Variants in ROBO1 observed in about 807,000 individuals in gnomAD.
The protein encoded by ROBO1 is roundabout homolog 1.
A neutral mutation model predicts 195.9 loss-of-function variants in ROBO1; 149 were observed. That is an observed-to-expected ratio of 0.76 (90% confidence interval 0.67 to 0.87). The LOEUF is 0.87. Ranked by LOEUF, ROBO1 falls within the 40% of genes least tolerant of loss-of-function variation. The pLI is 0.00. For missense variants in ROBO1, 1,933 were observed against 2,068.3 expected (o/e 0.93, Z 1.27); for synonymous variants, 816 against 733.2 (o/e 1.11, Z -1.82).
At chr3:79,717,003 TTATAA>T (rs1196270026) in intron 1 of ROBO1, among the ~76,000 whole-genome samples, 2 of 151,968 alleles carry the variant, frequency 1.3e-5, no homozygotes, top group African/African-American at 4.8e-5. Flanking sequence ...TGTATTCTGC[TTATAA>T]TTAATTAATC....
chr3:79,415,889 G>A (rs2037979353), intron 2 of ROBO1, among the ~76,000 whole-genome samples: 1 of 152,100 alleles, frequency 6.6e-6, no homozygotes, highest in Non-Finnish European at 1.5e-5. Flanking sequence ...CGGGTTTCAA[G>A]GTTGCAGCTA....
rs1429206350 is a variant in ROBO1 at position 79,588,231 on chromosome 3, CAAGTT to C, written c.88+1588_88+1592del. On this transcript the variant is annotated intron_variant, in intron 2 of 30. Transcript: ENST00000464233. ...TTGACAGCTTTTGCACCTAAGCGTT[CAAGTT>C]GATTTTTCTTCTCTAAAATTATGCA... Among the ~76,000 whole-genome samples the C allele has an allele frequency of 4.0e-5, 6 of 151,800 alleles. No individual in the cohort carries two copies. In the East Asian group the frequency reaches 7.8e-4, roughly 20 times the overall value.
chr3:78,947,895 C>A (rs1018746474), intron 3 of ROBO1, among the ~76,000 whole-genome samples: 52 of 152,148 alleles, frequency 3.4e-4, no homozygotes, highest in Non-Finnish European at 6.8e-4. Context: ...CTATAAACAC[C>A]TCTACACAAA....
chr3:79,553,852 TG>T (rs1942608815), intron 2 of ROBO1, among the ~76,000 whole-genome samples: 1 of 152,062 alleles, frequency 6.6e-6, no homozygotes. Context: ...AGGAGGAGAA[TG>T]GCTGTTGATT....
At chr3:78,681,806 G>A (rs1463917297) in intron 10 of ROBO1, among the ~76,000 whole-genome samples, 1 of 152,150 alleles carries the variant, frequency 6.6e-6, no homozygotes, top group African/African-American at 2.4e-5. Context: ...AGAGGCTGAG[G>A]CAGGAGAATG....
intron 3 of ROBO1, among the ~76,000 whole-genome samples, chr3:79,060,475 C>T (rs763347194): frequency 2.6e-5 from 4 of 151,928 alleles, no homozygotes; most frequent in Non-Finnish European, 4.4e-5. Context: ...ATGTCATCCC[C>T]GGAGACCAAG....
intron 26 of ROBO1, among the ~76,000 whole-genome samples, chr3:78,624,865 G>C (rs1217841776): frequency 6.6e-6 from 1 of 152,004 alleles, no homozygotes; most frequent in Non-Finnish European, 1.5e-5. Flanking sequence ...TGAAAGATGA[G>C]GGATGCTTAC....
Position 78,668,551 on chromosome 3 carries a change from A to G in ROBO1, c.1563T>C (p.Gly521=). The G allele has an allele frequency of 6.2e-7, 1 of 1,613,784 alleles. No homozygotes were observed. Among genetic ancestry groups the G allele is most frequent in the South Asian group, 1.1e-5 (1 of 91,076 alleles). ...QIRYAKLGDT[G]RYTCIASTPS... ...GGGTTGATGCAATGCAGGTGTACCG[A>G]CCAGTATCACCCAGCTGAGAAGGCA... Residue 521 remains glycine, a synonymous_variant, in exon 12 of 31, where the codon GGT becomes GGC. Coordinates refer to ENST00000464233, the MANE Select transcript of ROBO1 (RefSeq NM_002941.4).
chr3:78,715,571 G>A (rs980489052), intron 7 of ROBO1, among the ~76,000 whole-genome samples: 3 of 152,072 alleles, frequency 2.0e-5, no homozygotes, highest in African/African-American at 7.2e-5. Context: ...ACACTCTGCC[G>A]CTCAGGCTGG....
chr3:79,353,187 C>A (rs1297785437), intron 2 of ROBO1, among the ~76,000 whole-genome samples: 1 of 152,022 alleles, frequency 6.6e-6, no homozygotes. Flanking sequence ...TATTCAATCT[C>A]AAAATGTTTA....
At chr3:78,614,937 C>G (rs774119853) in intron 27 of ROBO1, 137 bp from the exon 28 acceptor site, 57 of 879,146 alleles carry the variant, frequency 6.5e-5, no homozygotes, top group Non-Finnish European at 9.5e-5. Flanking sequence ...CTTAAACAAA[C>G]TCTTCCAGCA....
intron 2 of ROBO1, among the ~76,000 whole-genome samples, chr3:79,316,656 G>A (rs1420702930): frequency 6.6e-6 from 1 of 152,054 alleles, no homozygotes; most frequent in Non-Finnish European, 1.5e-5. Flanking sequence ...GAAGTTGTCC[G>A]GAAGGTGGGG....
intron 2 of ROBO1, among the ~76,000 whole-genome samples, chr3:79,571,184 GA>G (rs1315406758): frequency 6.6e-6 from 1 of 152,082 alleles, no homozygotes; most frequent in African/African-American, 2.4e-5. Context: ...ATCAATTTAT[GA>G]GAGGCAATAA....
chr3:78,686,328 A>G (rs1324771307), intron 9 of ROBO1, among the ~76,000 whole-genome samples: 3 of 152,008 alleles, frequency 2.0e-5, no homozygotes, highest in African/African-American at 4.8e-5. Flanking sequence ...AGGCCGAGGC[A>G]GGCGGATCAC....
intron 3 of ROBO1, among the ~76,000 whole-genome samples, chr3:78,979,620 C>T (rs2076950121): frequency 6.6e-6 from 1 of 152,112 alleles, no homozygotes; most frequent in Non-Finnish European, 1.5e-5. Flanking sequence ...CACTGTTTTA[C>T]TTCTTTAGCT....
intron 4 of ROBO1, among the ~76,000 whole-genome samples, chr3:78,779,130 T>TA (rs2083593713): frequency 6.6e-6 from 1 of 152,040 alleles, no homozygotes; most frequent in Non-Finnish European, 1.5e-5. Context: ...GACTTAAATG[T>TA]AAAACCTAAA....
intron 3 of ROBO1, among the ~76,000 whole-genome samples, chr3:79,061,772 T>C (rs1477600158): frequency 6.6e-6 from 1 of 152,180 alleles, no homozygotes; most frequent in Non-Finnish European, 1.5e-5. Context: ...ATTTAATAAA[T>C]GGTGCTGGGA....
At chr3:78,780,904 T>C (rs993046419) in intron 4 of ROBO1, among the ~76,000 whole-genome samples, 2 of 152,172 alleles carry the variant, frequency 1.3e-5, no homozygotes, top group Non-Finnish European at 2.9e-5. Flanking sequence ...TGTGGAATAT[T>C]GTTCCTGACT....
rs373844543 is a variant in ROBO1 at position 78,602,894 on chromosome 3, C to T, written c.4745-2585G>A. ...AATGACATCACTAATCATTAAGATA[C>T]GCAAGACAGAATATTGAAATTATTA... is the stretch of plus-strand genomic sequence containing the variant. On this transcript the variant is annotated intron_variant, in intron 29 of 30. Transcript: ENST00000464233. Among the ~76,000 whole-genome samples the T allele has an allele frequency of 7.1e-4, 108 of 152,220 alleles. 2 individuals carry two copies. In the South Asian group the frequency reaches 0.021, roughly 30 times the overall value.
Sources: allele counts gnomAD v4.1 joint callset (sites outside exome capture counted in the v4.1 genomes callset), GRCh38; gene constraint gnomAD v4.1.1; transcripts MANE v1.5; gene names NCBI Gene and HGNC (gene_info 2026-07-23, HGNC 2026-07-21).